The following ATP8A2 variants were observed in gnomAD, a reference collection of about 807,000 sequenced individuals.
ATP8A2 encodes the protein ATPase phospholipid transporting 8A2.
Under a neutral mutation model 165.6 loss-of-function variants are expected in ATP8A2, and 100 were observed. The observed-to-expected ratio is 0.60, with a 90% confidence interval of 0.51 to 0.71. ATP8A2 has a LOEUF of 0.71. Among genes scored for constraint, ATP8A2 ranks in the 30% least tolerant of loss-of-function variants. The pLI is 0.00. For synonymous variants in ATP8A2, 543 were observed against 548.8 expected (o/e 0.99, Z 0.15); for missense variants, 1,227 against 1,479.5 (o/e 0.83, Z 2.80).
intron 17 of ATP8A2, among the ~76,000 whole-genome samples, chr13:25,571,179 C>T (rs1250026354): frequency 6.6e-6 from 1 of 152,198 alleles, no homozygotes; most frequent in African/African-American, 2.4e-5. Context: ...TCCTCATCCT[C>T]CCCACCTCAT....
At chr13:25,635,932 A>G (rs2041356405) in intron 24 of ATP8A2, among the ~76,000 whole-genome samples, 1 of 152,220 alleles carries the variant, frequency 6.6e-6, no homozygotes, top group African/African-American at 2.4e-5. Context: ...CTTTCTACAA[A>G]GACAGCGCAC....
intron 33 of ATP8A2, among the ~76,000 whole-genome samples, chr13:25,883,993 G>T (rs1477912017): frequency 6.6e-6 from 1 of 152,190 alleles, no homozygotes; most frequent in African/African-American, 2.4e-5. Context: ...TATCCCTTTT[G>T]TGCACATGGC....
At chr13:25,457,604 C>A (rs907516725) in intron 1 of ATP8A2, among the ~76,000 whole-genome samples, 1 of 152,148 alleles carries the variant, frequency 6.6e-6, no homozygotes, top group African/African-American at 2.4e-5. Flanking sequence ...CAGTGGTAGG[C>A]TCAACAATAG....
chr13:25,526,779 A>T (rs2037854129), intron 2 of ATP8A2, among the ~76,000 whole-genome samples: 1 of 152,052 alleles, frequency 6.6e-6, no homozygotes, highest in African/African-American at 2.4e-5. Flanking sequence ...CTGCCTCCTC[A>T]CTTTGTCTCT....
At chr13:25,440,847 A>T (rs1189375002) in intron 1 of ATP8A2, among the ~76,000 whole-genome samples, 1 of 152,216 alleles carries the variant, frequency 6.6e-6, no homozygotes, top group African/African-American at 2.4e-5. Context: ...GTTCTTTTTC[A>T]GTTTGTAAAT....
At chr13:25,685,203 C>G (rs988646667) in intron 24 of ATP8A2, among the ~76,000 whole-genome samples, 1 of 152,190 alleles carries the variant, frequency 6.6e-6, no homozygotes. Context: ...TTACTGAGCC[C>G]AGTCCCCTTT....
intron 10 of ATP8A2, among the ~76,000 whole-genome samples, chr13:25,543,628 T>C (rs1436159888): frequency 6.6e-6 from 1 of 152,206 alleles, no homozygotes; most frequent in Non-Finnish European, 1.5e-5. Context: ...CTTTGTTTTC[T>C]GGATTAGGGG....
chr13:25,882,983 A>T (rs1223020434), intron 33 of ATP8A2, among the ~76,000 whole-genome samples: 1 of 151,966 alleles, frequency 6.6e-6, no homozygotes, highest in Non-Finnish European at 1.5e-5. Flanking sequence ...GGCAGCAGCT[A>T]CCCACAAGCT....
chr13:25,680,098 T>A (rs2042453438), intron 24 of ATP8A2, among the ~76,000 whole-genome samples: 1 of 152,168 alleles, frequency 6.6e-6, no homozygotes, highest in Non-Finnish European at 1.5e-5. Context: ...GTGCTAATTG[T>A]GTGGCTTTTG....
chr13:25,757,547 G>T (rs117265013), intron 25 of ATP8A2, among the ~76,000 whole-genome samples: 3,185 of 152,188 alleles, frequency 0.021, 53 homozygotes, highest in Admixed American at 0.053. Flanking sequence ...AGAAGAGAGG[G>T]TGTTCTCTGC....
In ATP8A2 at chr13:25,738,352, AC is replaced by A. The variant is rs1566092376; in HGVS notation, c.2385-30693del. 1.6e-4 allele frequency among the ~76,000 whole-genome samples: 5 copies of A among 31,044 alleles called. 1 individual carries two copies. Among genetic ancestry groups the A allele is most frequent in the African/African-American group, 3.2e-4 (4 of 12,588 alleles). The allele number at this position is 31,044 out of a possible 152,430, so 20.4% of individuals were successfully genotyped here. ...TTTTGTGCCCCCCTCCCCCCCCCCC[AC>A]ACACACTTCTTCTGGTAGTTGCTGT... On this transcript the variant is annotated intron_variant, in intron 25 of 36. Transcript: ENST00000381655.
intron 24 of ATP8A2, among the ~76,000 whole-genome samples, chr13:25,628,680 C>A (rs2041163025): frequency 6.6e-6 from 1 of 152,114 alleles, no homozygotes; most frequent in African/African-American, 2.4e-5. Context: ...CTGCTCCAGG[C>A]TTCTCCTCCA....
At chr13:25,442,368 G>A (rs1171375435) in intron 1 of ATP8A2, among the ~76,000 whole-genome samples, 1 of 152,108 alleles carries the variant, frequency 6.6e-6, no homozygotes, top group Non-Finnish European at 1.5e-5. Flanking sequence ...CACCAACAGT[G>A]CTCAAAGGTT....
At position 25,504,650 on chromosome 13, in the gene ATP8A2, G is replaced by C. The variant is rs1381633079; in HGVS notation, c.222-25349G>C. On this transcript the variant is annotated intron_variant, in intron 2 of 36. Coordinates refer to ENST00000381655, the MANE Select transcript of ATP8A2 (RefSeq NM_016529.6). The stretch of plus-strand genomic sequence containing the variant: ...AGCTACTCGGGAGGCTGAGGCAGGA[G>C]AATGGCGTGAACCCGGGAAGCGGAG... Among the ~76,000 whole-genome samples the C allele has an allele frequency of 6.2e-5, 9 of 146,254 alleles. No homozygotes were observed. In the Admixed American group the frequency reaches 6.2e-4, roughly 10 times the overall value.
At chr13:25,650,836 T>C (rs78546829) in intron 24 of ATP8A2, among the ~76,000 whole-genome samples, 5,250 of 152,318 alleles carry the variant, frequency 0.034, 157 homozygotes, top group East Asian at 0.13. Context: ...TTCCTAGAAA[T>C]AGCCAACTTG....
At chr13:25,390,125 C>T (rs1297545394) in intron 1 of ATP8A2, among the ~76,000 whole-genome samples, 1 of 152,176 alleles carries the variant, frequency 6.6e-6, no homozygotes, top group African/African-American at 2.4e-5. Flanking sequence ...CTCTGAGTAG[C>T]TGGGAATACA....
At chr13:25,740,075 C>T (rs543702724) in intron 25 of ATP8A2, among the ~76,000 whole-genome samples, 5 of 152,150 alleles carry the variant, frequency 3.3e-5, no homozygotes, top group East Asian at 3.9e-4. Flanking sequence ...TTTGGGAGGC[C>T]GAGACGGGCG....
chr13:25,826,125 G>A (rs1464822691), intron 27 of ATP8A2, among the ~76,000 whole-genome samples: 1 of 152,116 alleles, frequency 6.6e-6, no homozygotes, highest in Non-Finnish European at 1.5e-5. Context: ...AAGTATTTGA[G>A]GTGATAGATA....
intron 2 of ATP8A2, among the ~76,000 whole-genome samples, chr13:25,517,642 CAGAT>C (rs1023459213): frequency 7.9e-5 from 12 of 152,310 alleles, no homozygotes; most frequent in Middle Eastern, 6.8e-3. Context: ...TGTTTTGTGA[CAGAT>C]AGTCTAAAAG....
Sources: allele counts gnomAD v4.1 joint callset (sites outside exome capture counted in the v4.1 genomes callset), GRCh38; gene constraint gnomAD v4.1.1; transcripts MANE v1.5; gene names NCBI Gene and HGNC (gene_info 2026-07-23, HGNC 2026-07-21).